CNTNAP2: variants seen among roughly 807,000 people sequenced by gnomAD.
The protein encoded by CNTNAP2 is contactin-associated protein-like 2.
In CNTNAP2, 98 loss-of-function variants were observed where a neutral mutation model predicts 155.2. That is an observed-to-expected ratio of 0.63 (90% CI 0.54 to 0.75). The LOEUF is 0.75. Among genes scored for constraint, CNTNAP2 ranks in the 30% least tolerant of loss-of-function variants. CNTNAP2 has a pLI of 0.00. For synonymous variants in CNTNAP2, 651 were observed against 631.2 expected (o/e 1.03, Z -0.47); for missense variants, 1,727 against 1,688.1 (o/e 1.02, Z -0.40).
At chr7:147,391,389 G>A (rs969072813) in intron 9 of CNTNAP2, among the ~76,000 whole-genome samples, 3 of 152,160 alleles carry the variant, frequency 2.0e-5, no homozygotes, top group Middle Eastern at 3.4e-3. Context: ...GGTTGTCTAT[G>A]TTTACAGCTG....
chr7:146,968,210 G>A (rs1180153094), intron 3 of CNTNAP2, among the ~76,000 whole-genome samples: 1 of 151,748 alleles, frequency 6.6e-6, no homozygotes, highest in African/African-American at 2.4e-5. Context: ...GATTCGGTTT[G>A]CCAGTATTTT....
chr7:147,192,095 G>A (rs1014778540), intron 8 of CNTNAP2, among the ~76,000 whole-genome samples: 1 of 152,136 alleles, frequency 6.6e-6, no homozygotes, highest in Non-Finnish European at 1.5e-5. Context: ...ATAAATAAAT[G>A]CATAATTAAA....
chr7:146,511,659 A>G (rs1184720747), intron 1 of CNTNAP2, among the ~76,000 whole-genome samples: 1 of 152,128 alleles, frequency 6.6e-6, no homozygotes, highest in African/African-American at 2.4e-5. Flanking sequence ...TCTTTTTAAT[A>G]TGTTATTGAA....
chr7:147,841,809 T>C (rs924182693), intron 13 of CNTNAP2, among the ~76,000 whole-genome samples: 24 of 152,182 alleles, frequency 1.6e-4, no homozygotes, highest in Admixed American at 1.6e-3. Flanking sequence ...TGTTGATCAA[T>C]TATGTATTTT....
At chr7:147,828,895 A>T (rs770988633) in intron 13 of CNTNAP2, among the ~76,000 whole-genome samples, 1 of 152,310 alleles carries the variant, frequency 6.6e-6, no homozygotes, top group African/African-American at 2.4e-5. Flanking sequence ...ATCCTCCTAC[A>T]TAATAATGGT....
chr7:148,123,688 A>G (rs1394448786), intron 16 of CNTNAP2, among the ~76,000 whole-genome samples: 1 of 142,258 alleles, frequency 7.0e-6, no homozygotes, highest in South Asian at 2.2e-4. Context: ...AGGAAGGAAA[A>G]AGAAAGAGAA....
At chr7:147,969,439 T>C (rs933743729) in intron 14 of CNTNAP2, among the ~76,000 whole-genome samples, 8 of 152,114 alleles carry the variant, frequency 5.3e-5, no homozygotes, top group Non-Finnish European at 1.2e-4. Context: ...ATGTGGCACC[T>C]AGCACAAGTG....
At chr7:147,284,896 G>A (rs1480702971) in intron 8 of CNTNAP2, among the ~76,000 whole-genome samples, 3 of 151,824 alleles carry the variant, frequency 2.0e-5, no homozygotes, top group African/African-American at 7.2e-5. Context: ...ACATTGAGCT[G>A]AAACATACAG....
At chr7:146,869,718 G>A (rs959929716) in intron 3 of CNTNAP2, among the ~76,000 whole-genome samples, 1 of 152,106 alleles carries the variant, frequency 6.6e-6, no homozygotes, top group Non-Finnish European at 1.5e-5. Context: ...TGATGTTCAA[G>A]GGTAGGAAGC....
chr7:147,127,246 A>C (rs1801259283), intron 6 of CNTNAP2, among the ~76,000 whole-genome samples: 1 of 152,208 alleles, frequency 6.6e-6, no homozygotes, highest in South Asian at 2.1e-4. Context: ...TCTTCTTTGT[A>C]GTTTTCTGAT....
chr7:147,479,881 TAAC>T (rs1252912862), intron 10 of CNTNAP2, among the ~76,000 whole-genome samples: 3 of 152,102 alleles, frequency 2.0e-5, no homozygotes, highest in Non-Finnish European at 4.4e-5. Context: ...TGTTATGTAA[TAAC>T]AACATTTTAA....
At chr7:146,420,287 A>G (rs749979010) in intron 1 of CNTNAP2, among the ~76,000 whole-genome samples, 8 of 152,062 alleles carry the variant, frequency 5.3e-5, no homozygotes, top group Non-Finnish European at 8.8e-5. Context: ...AGTCTTGAAT[A>G]AACTTATTCT....
At chr7:147,833,629 C>G in intron 13 of CNTNAP2, among the ~76,000 whole-genome samples, 1 of 152,156 alleles carries the variant, frequency 6.6e-6, no homozygotes, top group Non-Finnish European at 1.5e-5. Context: ...TCACAGCAGC[C>G]TCCGGTATCT....
At chr7:146,767,220 C>G (rs986483955) in intron 1 of CNTNAP2, among the ~76,000 whole-genome samples, 3 of 152,176 alleles carry the variant, frequency 2.0e-5, no homozygotes, top group Non-Finnish European at 2.9e-5. Flanking sequence ...ACCTAGCACT[C>G]TAGTATTTTC....
Position 146,971,654 on chromosome 7 carries a change from A to G in CNTNAP2, c.403-72253A>G, listed in dbSNP as rs187812752. Among the ~76,000 whole-genome samples the G allele has an allele frequency of 3.1e-3, 470 of 152,176 alleles. 9 individuals are homozygous for G. Among genetic ancestry groups the G allele is most frequent in the Admixed American group, 0.027 (410 of 15,274 alleles). On this transcript the variant is annotated intron_variant, in intron 3 of 23. Coordinates refer to ENST00000361727, the MANE Select transcript of CNTNAP2 (RefSeq NM_014141.6). ...CTGGTGAGGGTCCTTTTCTGTGCAG[A>G]TTGCCAACTCCCTGTTGCATCCTCA...
At chr7:147,129,261 T>A (rs1584861742) in intron 7 of CNTNAP2, among the ~76,000 whole-genome samples, 1 of 152,318 alleles carries the variant, frequency 6.6e-6, no homozygotes, top group East Asian at 1.9e-4. Context: ...CTCCTGTGCT[T>A]CCAAAGATGA....
chr7:146,655,427 A>G (rs1039974502), intron 1 of CNTNAP2, among the ~76,000 whole-genome samples: 1 of 151,340 alleles, frequency 6.6e-6, no homozygotes, highest in Admixed American at 6.6e-5. Context: ...AAAAAAAAAA[A>G]AAAAAAAGAA....
In CNTNAP2 at chr7:147,983,311, T is replaced by C. The variant is rs751561957; in HGVS notation, c.2383+5322T>C. ...ATTTATTTATCTCCTTTTTCTTTGCTGCTTCAGGCTTGGAAAAGGCAAGAA... is the reference window on the plus strand; with the variant it reads ...ATTTATTTATCTCCTTTTTCTTTGCCGCTTCAGGCTTGGAAAAGGCAAGAA... On this transcript the variant is annotated intron_variant, in intron 15 of 23. Transcript: ENST00000361727. Among the ~76,000 whole-genome samples the C allele has an allele frequency of 2.6e-5, 4 of 152,110 alleles. No homozygotes were observed. The South Asian group carries it at 8.3e-4, about 31-fold the overall frequency.
At chr7:148,189,675 G>A (rs541426324) in intron 18 of CNTNAP2, among the ~76,000 whole-genome samples, 1 of 152,258 alleles carries the variant, frequency 6.6e-6, no homozygotes, top group African/African-American at 2.4e-5. Flanking sequence ...AGACATTTCT[G>A]TTCATTGTAA....
Sources: gnomAD v4.1 joint callset for allele counts (sites outside exome capture counted in the v4.1 genomes callset) on GRCh38, gnomAD v4.1.1 for gene constraint, MANE v1.5 for transcripts, NCBI Gene and HGNC (gene_info 2026-07-23, HGNC 2026-07-21) for gene names.